Variants in LRMDA observed in about 807,000 individuals in gnomAD.
The protein encoded by LRMDA is leucine-rich melanocyte differentiation-associated protein.
A neutral mutation model predicts 29.8 loss-of-function variants in LRMDA; 18 were observed. The observed-to-expected ratio is 0.60, with a 90% CI of 0.42 to 0.90. LRMDA has a LOEUF of 0.90. Among genes scored for constraint, LRMDA ranks in the 40% least tolerant of loss-of-function variants. LRMDA has a pLI of 0.00. For synonymous variants in LRMDA, 125 were observed against 109.4 expected, an observed-to-expected ratio of 1.14 and a Z score of -0.89; for missense variants, 273 against 273.9, an observed-to-expected ratio of 1.00 and a Z score of 0.02.
intron 6 of LRMDA, among the ~76,000 whole-genome samples, chr10:76,458,045 C>T (rs1278257608): frequency 6.6e-6 from 1 of 151,048 alleles, no homozygotes; most frequent in African/African-American, 2.4e-5. Flanking sequence ...ACTCCTCTAA[C>T]AAGCCAGATA....
At chr10:75,674,383 A>G (rs1841936417) in intron 2 of LRMDA, among the ~76,000 whole-genome samples, 1 of 152,174 alleles carries the variant, frequency 6.6e-6, no homozygotes, top group Non-Finnish European at 1.5e-5. Flanking sequence ...TAAGGTAGAA[A>G]GAGCATGTTT....
intron 6 of LRMDA, among the ~76,000 whole-genome samples, chr10:76,480,647 C>G (rs1842724801): frequency 6.6e-6 from 1 of 151,908 alleles, no homozygotes; most frequent in Non-Finnish European, 1.5e-5. Flanking sequence ...TCAGTTTTAT[C>G]TAGATGAAAT....
intron 3 of LRMDA, among the ~76,000 whole-genome samples, chr10:76,043,719 G>C (rs192818316): frequency 2.6e-5 from 4 of 152,198 alleles, no homozygotes; most frequent in African/African-American, 9.6e-5. Context: ...CTACTTCCCC[G>C]AACATGGTGG....
chr10:75,935,982 C>T (rs1305886490), intron 2 of LRMDA, among the ~76,000 whole-genome samples: 12 of 151,964 alleles, frequency 7.9e-5, no homozygotes, highest in Admixed American at 7.9e-4. Context: ...AGTGTGTCTG[C>T]CCCCTCATTT....
chr10:75,431,826 TC>T, intron 1 of LRMDA, 72 bp downstream of exon 1: 2 of 1,260,696 alleles, frequency 1.6e-6, no homozygotes, highest in Non-Finnish European at 2.0e-6. Flanking sequence ...GCACAGAGGC[TC>T]CCCAGGGCCT....
At chr10:75,857,323 G>A (rs986236270) in intron 2 of LRMDA, among the ~76,000 whole-genome samples, 30 of 152,186 alleles carry the variant, frequency 2.0e-4, no homozygotes. Context: ...TCCAGTTGAT[G>A]CAGGCAGTTC....
chr10:76,261,393 T>C (rs1403676767), intron 5 of LRMDA, among the ~76,000 whole-genome samples: 1 of 151,964 alleles, frequency 6.6e-6, no homozygotes, highest in Non-Finnish European at 1.5e-5. Flanking sequence ...CAATCTAAGC[T>C]AATCACCTGG....
chr10:75,506,883 G>C (rs961042739), intron 2 of LRMDA, among the ~76,000 whole-genome samples: 8 of 152,170 alleles, frequency 5.3e-5, no homozygotes, highest in Non-Finnish European at 8.8e-5. Flanking sequence ...TTGGAAACCT[G>C]AGCCAGAAGC....
At chr10:75,721,162 G>A (rs758658883) in intron 2 of LRMDA, among the ~76,000 whole-genome samples, 2 of 152,108 alleles carry the variant, frequency 1.3e-5, no homozygotes, top group Non-Finnish European at 2.9e-5. Context: ...TGTGACATTA[G>A]CCTTTGGACC....
At position 75,610,698 on chromosome 10, in the gene LRMDA, A is replaced by C. The variant is rs540329348; in HGVS notation, c.131+172204A>C. Among the ~76,000 whole-genome samples the C allele has an allele frequency of 5.9e-5, 9 of 152,214 alleles. No homozygotes were observed. In the East Asian group the frequency reaches 1.5e-3, roughly 26 times the overall value. ...AGGTTCCCCAGTCCTGACACAATGT[A>C]TTTTCTTTAATGTCTTTATAATAGG... On this transcript the variant is annotated intron_variant, in intron 2 of 6. Transcript: ENST00000611255.
intron 5 of LRMDA, among the ~76,000 whole-genome samples, chr10:76,106,701 C>T (rs1035528016): frequency 1.3e-5 from 2 of 152,180 alleles, no homozygotes; most frequent in Admixed American, 6.5e-5. Flanking sequence ...GAAGGTAAAT[C>T]AAATTGAAAA....
rs181073782 is a variant in LRMDA, at chr10:76,241,128, T to C, written c.517-83273T>C. Among the ~76,000 whole-genome samples the C allele has an allele frequency of 3.6e-4, 54 of 152,028 alleles. 1 individual carries two copies. Among genetic ancestry groups the C allele is most frequent in the Admixed American group, 1.7e-3 (26 of 15,240 alleles). The stretch of plus-strand genomic sequence containing the variant: ...TCTTGGGGGAAAGGTGGGTGGGTGG[T>C]GAGGGATAAAAGACTACAAATTAGG... On this transcript the variant is annotated intron_variant, in intron 5 of 6. Transcript: ENST00000611255.
intron 5 of LRMDA, among the ~76,000 whole-genome samples, chr10:76,186,586 G>C (rs138632947): frequency 6.6e-5 from 10 of 152,188 alleles, no homozygotes; most frequent in African/African-American, 2.4e-4. Flanking sequence ...ACCACCCTCC[G>C]CCTGGCACTG....
chr10:76,524,133 T>C (rs1843150237), intron 6 of LRMDA, among the ~76,000 whole-genome samples: 3 of 152,192 alleles, frequency 2.0e-5, no homozygotes, highest in African/African-American at 7.2e-5. Flanking sequence ...ACCGGGAGGT[T>C]TGCACCCAGT....
intron 2 of LRMDA, among the ~76,000 whole-genome samples, chr10:75,680,298 C>T (rs1046509391): frequency 8.5e-5 from 13 of 152,138 alleles, no homozygotes; most frequent in African/African-American, 2.9e-4. Context: ...CAGTTGGACT[C>T]CATTCTGGGA....
chr10:76,497,695 A>G lies in LRMDA; in HGVS notation c.602-59514A>G, dbSNP rs1277270039. ...GACTAAGTCCTAGTGCTTTCTTAAT[A>G]AAAGCTATGCATGTAAATAGGGTCA... On this transcript the variant is annotated intron_variant, in intron 6 of 6. Coordinates refer to ENST00000611255, the MANE Select transcript of LRMDA (RefSeq NM_001305581.2). Among the ~76,000 whole-genome samples the G allele has an allele frequency of 2.6e-5, 2 of 75,868 alleles. 1 individual carries two copies. The highest frequency in any genetic ancestry group is 6.4e-5 in the African/African-American group (2 of 31,202). The allele number at this position is 75,868 out of a possible 152,430, so 49.8% of individuals were successfully genotyped here.
rs143955707 is a variant in LRMDA at position 75,981,934 on chromosome 10, A to G, written c.132-54074A>G. On this transcript the variant is annotated intron_variant, in intron 2 of 6. Transcript: ENST00000611255. ...CCAGCTCCTCTTTCATACACCAGGT[A>G]CAGCTGGTGCACACACACAGTTAAA... is the stretch of plus-strand genomic sequence containing the variant. 1.1e-4 allele frequency among the ~76,000 whole-genome samples: 17 copies of G among 152,154 alleles called. No homozygotes were observed. The East Asian group carries it at 1.2e-3, about 10-fold the overall frequency.
intron 6 of LRMDA, among the ~76,000 whole-genome samples, chr10:76,425,709 T>C (rs1444046601): frequency 6.6e-6 from 1 of 152,050 alleles, no homozygotes; most frequent in East Asian, 1.9e-4. Context: ...CCCATTAACT[T>C]GTCATTTACA....
chr10:75,752,719 A>G (rs909493034), intron 2 of LRMDA, among the ~76,000 whole-genome samples: 1 of 152,132 alleles, frequency 6.6e-6, no homozygotes. Flanking sequence ...TGTCTTAGGT[A>G]TGTTCTCAGT....
Sources: gnomAD v4.1 joint callset for allele counts (sites outside exome capture counted in the v4.1 genomes callset) on GRCh38, gnomAD v4.1.1 for gene constraint, MANE v1.5 for transcripts, NCBI Gene and HGNC (gene_info 2026-07-23, HGNC 2026-07-21) for gene names.